The following CROCC variants were observed in gnomAD, a reference collection of about 807,000 sequenced individuals.
The protein encoded by CROCC is rootletin.
A neutral mutation model predicts 245.2 loss-of-function variants in CROCC; 180 were observed. The observed-to-expected ratio is 0.73, with a 90% confidence interval of 0.65 to 0.83. CROCC has a LOEUF of 0.83. Ranked by LOEUF, CROCC falls within the 40% of genes least tolerant of loss-of-function variation. The pLI is 0.00. For synonymous variants in CROCC, 1,205 were observed against 1,241.6 expected (o/e 0.97, Z 0.62); for missense variants, 2,688 against 2,779.4 (o/e 0.97, Z 0.74).
At chr1:16,923,457 A>G (rs1238482038) in intron 2 of CROCC, among the ~76,000 whole-genome samples, 1 of 152,258 alleles carries the variant, frequency 6.6e-6, no homozygotes, top group African/African-American at 2.4e-5. Flanking sequence ...CCTGGGGTGT[A>G]TGTCCAGTTC....
At chr1:16,956,429 T>A (rs2076251407) in intron 25 of CROCC, among the ~76,000 whole-genome samples, 1 of 152,190 alleles carries the variant, frequency 6.6e-6, no homozygotes, top group African/African-American at 2.4e-5. Context: ...CTCAAAGGAA[T>A]CTGCAAACAA....
In CROCC at chr1:16,969,913, CCAGCTACAA is replaced by C. The variant is rs1288364055; in HGVS notation, c.5438_5446del (p.Gln1813_Leu1815del). On this transcript the variant is annotated inframe_deletion, in exon 33 of 37. Coordinates refer to ENST00000375541, the MANE Select transcript of CROCC (RefSeq NM_014675.5). ...AACTGCAGCGGGTGGAGGCCGAGGG[CCAGCTACAA>C]CAGCTACGGGAGGTGAGGGCCAGGG... 6.2e-7 allele frequency: 1 copy of C among 1,602,624 alleles called. No individual in the cohort carries two copies. The highest frequency in any genetic ancestry group is 1.3e-5 in the African/African-American group (1 of 74,758).
At chr1:16,955,845 CAGCCCT>C (rs2076242146) in intron 24 of CROCC, 146 bp from the exon 25 acceptor site, 1 of 973,292 alleles carries the variant, frequency 1.0e-6, no homozygotes, top group South Asian at 1.7e-5. Context: ...GCCTGGGCCC[CAGCCCT>C]GCAGGGCTCA....
At position 16,966,413 on chromosome 1, in the gene CROCC, C is replaced by T. The variant is rs530489970; in HGVS notation, c.4702C>T (p.Arg1568Cys). ...KAVAESEEAR[R>C]SVDGRLSGVQ... ...GGGGTGGGTGGTGGCTACAGCCCGG[C>T]GCAGTGTGGATGGGCGGCTGAGCGG... Residue 1568 changes from arginine to cysteine, a missense_variant, in exon 30 of 37, where the codon CGC (arginine) becomes TGC (cysteine). This residue lies in a region of CROCC where 1,218 missense variants were observed against 1,286.3 expected (regional missense o/e 0.95). Transcript: ENST00000375541. This position sits in a 1 kb window ranked among gnomAD's most constrained non-coding sequence, Gnocchi z 4.8. 1.0e-4 allele frequency: 158 copies of T among 1,530,616 alleles called. No homozygotes were observed. In the East Asian group the frequency reaches 3.1e-3, roughly 30 times the overall value. 94.8% of individuals were successfully genotyped at this position (1,530,616 alleles called of 1,614,324 possible).
At position 16,929,935 on chromosome 1, in the gene CROCC, G is replaced by C. The variant is rs747183546; in HGVS notation, c.441G>C (p.Gln147His). The stretch of plus-strand genomic sequence containing the variant: ...GGCAGAGCGTGGAGTTGCGGAGGCA[G>C]CTGCAGGAGGAGCAGGCCTCCTACC... ...LVRQSVELRR[Q>H]LQEEQASYRR... Residue 147 changes from glutamine to histidine, a missense_variant, in exon 4 of 37, where the codon CAG becomes CAC. Coordinates refer to ENST00000375541, the MANE Select transcript of CROCC (RefSeq NM_014675.5). 58 of 1,587,676 alleles carry C rather than the reference G, an allele frequency of 3.7e-5. No homozygotes were observed. The highest frequency in any genetic ancestry group is 4.6e-5 in the Non-Finnish European group (54 of 1,170,412).
intron 25 of CROCC, 106 bp from the exon 26 acceptor site, chr1:16,958,477 T>C: frequency 7.4e-7 from 1 of 1,357,944 alleles, no homozygotes; most frequent in South Asian, 1.3e-5. Context: ...TGGGGTGGTA[T>C]TTGATACATG....
At chr1:16,947,335 G>A (rs536008611) in intron 17 of CROCC, among the ~76,000 whole-genome samples, 86 of 152,326 alleles carry the variant, frequency 5.6e-4, no homozygotes, top group African/African-American at 2.0e-3. Context: ...TGGGCGTGGT[G>A]GCACGCGCCT....
chr1:16,925,030 G>A (rs1481190795), intron 3 of CROCC, among the ~76,000 whole-genome samples: 3 of 152,286 alleles, frequency 2.0e-5, no homozygotes, highest in Non-Finnish European at 4.4e-5. Flanking sequence ...CACATCACCC[G>A]TGCTGCAGGC....
chr1:16,971,816 G>C (rs2076527153), intron 36 of CROCC, among the ~76,000 whole-genome samples, 169 bp downstream of exon 36: 1 of 152,216 alleles, frequency 6.6e-6, no homozygotes, highest in African/African-American at 2.4e-5. Flanking sequence ...GGGGCCACGG[G>C]ATGCTCCTGG....
chr1:16,959,284 A>G (rs945007253), intron 26 of CROCC, among the ~76,000 whole-genome samples: 1 of 152,092 alleles, frequency 6.6e-6, no homozygotes. Context: ...TCGGCCTCCC[A>G]AAGTGCTGGG....
intron 15 of CROCC, 137 bp from the exon 16 acceptor site, chr1:16,946,122 T>C: frequency 2.0e-6 from 2 of 1,003,142 alleles, no homozygotes; most frequent in Non-Finnish European, 2.9e-6. Context: ...TTTTTTTTTT[T>C]CCATCTCACA....
rs1356256325 is a variant in CROCC at position 16,922,003 on chromosome 1, C to T, written c.-16C>T. ...CTGGAGAAGGGGGCTGGAGGCATGC[C>T]CACAGCCTCCCCCCCATGAGCTTGG... On this transcript the variant is annotated 5_prime_UTR_variant, in exon 1 of 37. Coordinates refer to ENST00000375541, the MANE Select transcript of CROCC (RefSeq NM_014675.5). 3 of 1,548,878 alleles carry T rather than the reference C, an allele frequency of 1.9e-6. No homozygotes were observed. Among genetic ancestry groups the T allele is most frequent in the Non-Finnish European group, 1.7e-6 (2 of 1,145,056 alleles).
At chr1:16,943,606 C>G (rs1237039048) in intron 13 of CROCC, among the ~76,000 whole-genome samples, 1 of 152,406 alleles carries the variant, frequency 6.6e-6, no homozygotes, top group Non-Finnish European at 1.5e-5. Flanking sequence ...GGGAACGTGG[C>G]AGCTCATGGC....
chr1:16,949,195 G>A (rs1383790563), intron 19 of CROCC, among the ~76,000 whole-genome samples: 5 of 152,282 alleles, frequency 3.3e-5, no homozygotes, highest in African/African-American at 7.2e-5. Context: ...GTGTAAGGCC[G>A]TGGCACGGTG....
At position 16,936,678 on chromosome 1, in the gene CROCC, G is replaced by A. The variant is rs561337489; in HGVS notation, c.998G>A (p.Arg333Gln). 1,364 of 1,599,674 alleles carry A rather than the reference G, an allele frequency of 8.5e-4. 15 individuals carry two copies. In the South Asian group the frequency reaches 0.014, roughly 16 times the overall value. Reference sequence around the variant, plus strand: ...GGAGGGGAGCTGGCCCGGACATCACGAGCTGTCCAGGAGGCGGGCCTGGGA... The same window carrying A: ...GGAGGGGAGCTGGCCCGGACATCACAAGCTGTCCAGGAGGCGGGCCTGGGA... Reference protein sequence around the residue: ...QLGGELARTSRAVQEAGLGLS... With the variant: ...QLGGELARTSQAVQEAGLGLS... The change falls in exon 9 of 37, where the codon CGA becomes CAA. Residue 333 changes from arginine to glutamine, a missense_variant. This residue lies in a region of CROCC where 972 missense variants were observed against 895.3 expected (regional missense o/e 1.09). Transcript: ENST00000375541.
intron 13 of CROCC, among the ~76,000 whole-genome samples, chr1:16,942,260 A>G (rs1416769980): frequency 2.0e-5 from 3 of 152,242 alleles, no homozygotes; most frequent in African/African-American, 7.2e-5. Flanking sequence ...GGCCTCCCAA[A>G]GTACTGGGAT....
In CROCC at chr1:16,936,846, A is replaced by G. The variant is rs544158596; in HGVS notation, c.1166A>G (p.Asp389Gly). 76 of 1,612,216 alleles carry G rather than the reference A, an allele frequency of 4.7e-5. 1 individual carries two copies. The South Asian group carries it at 7.9e-4, about 17-fold the overall frequency. ...CTGGCGCAGCAGCAGATGCAAAGCG[A>G]CCTGGACAAGGCTGACCTCAGTGCC... ...KDLAQQQMQS[D>G]LDKADLSARV... is the part of the protein sequence containing the mutation. The change falls in exon 9 of 37, where the codon GAC (aspartate) becomes GGC (glycine). Residue 389 changes from aspartate (D) to glycine (G), a missense_variant. Asp to Gly is a moderately conservative substitution (Grantham distance 94, BLOSUM62 -1). Transcript: ENST00000375541.
intron 1 of CROCC, among the ~76,000 whole-genome samples, chr1:16,916,676 A>AT (rs1230134396): frequency 1.3e-5 from 2 of 152,208 alleles, no homozygotes; most frequent in South Asian, 2.1e-4. Context: ...TGCCAGGCCA[A>AT]TTTTTTTTAT....
chr1:16,925,066 G>A (rs1214630536), intron 3 of CROCC, among the ~76,000 whole-genome samples: 9 of 152,278 alleles, frequency 5.9e-5, no homozygotes, highest in African/African-American at 1.4e-4. Flanking sequence ...GGTGTGGGGC[G>A]GGAGCTGGGT....
Sources: allele counts gnomAD v4.1 joint callset (sites outside exome capture counted in the v4.1 genomes callset), GRCh38; gene constraint gnomAD v4.1.1; regional missense constraint gnomAD v4.1.1; non-coding constraint Gnocchi (gnomAD v3.1); transcripts MANE v1.5; gene names NCBI Gene and HGNC (gene_info 2026-07-23, HGNC 2026-07-21).